Variants in TRERF1 observed in about 807,000 individuals in gnomAD.
TRERF1 encodes the protein transcriptional-regulating factor 1.
In TRERF1, 27 loss-of-function variants were observed where a neutral mutation model predicts 122.9. The ratio of observed to expected loss-of-function variants is 0.22; its 90% confidence interval spans 0.16 to 0.30. TRERF1 has a LOEUF of 0.30. Ranked by LOEUF, TRERF1 falls within the 10% of genes least tolerant of loss-of-function variation. The pLI, the probability that TRERF1 is intolerant of heterozygous loss-of-function variation, is 1.00. For missense variants in TRERF1, 1,248 were observed against 1,560.3 expected, an observed-to-expected ratio of 0.80 and a Z score of 3.37; for synonymous variants, 636 against 641.7, an observed-to-expected ratio of 0.99 and a Z score of 0.13.
intron 2 of TRERF1, among the ~76,000 whole-genome samples, chr6:42,428,479 G>A (rs1006693910): frequency 2.0e-5 from 3 of 152,164 alleles, no homozygotes; most frequent in Non-Finnish European, 4.4e-5. Context: ...TGGGGTGGAG[G>A]GGGTGCGAGA....
chr6:42,409,809 G>A (rs184887683), intron 2 of TRERF1, among the ~76,000 whole-genome samples: 90 of 152,246 alleles, frequency 5.9e-4, no homozygotes, highest in Admixed American at 2.2e-3. Flanking sequence ...CACACTTCTA[G>A]TATTTCCCCA....
At chr6:42,325,912 T>A (rs1404909070) in intron 3 of TRERF1, among the ~76,000 whole-genome samples, 1 of 152,178 alleles carries the variant, frequency 6.6e-6, no homozygotes, top group Non-Finnish European at 1.5e-5. Flanking sequence ...GAGGCCATTA[T>A]CTTAAGTGAA....
intron 12 of TRERF1, 57 bp downstream of exon 12, chr6:42,256,671 A>T (rs1776810606): frequency 2.0e-6 from 3 of 1,514,982 alleles, no homozygotes; most frequent in Non-Finnish European, 2.7e-6. Flanking sequence ...GACAATATTG[A>T]AACTTGGGAA....
chr6:42,267,281 C>T (rs1779384400), intron 5 of TRERF1, among the ~76,000 whole-genome samples: 1 of 152,150 alleles, frequency 6.6e-6, no homozygotes, highest in African/African-American at 2.4e-5. Flanking sequence ...ATGCAGTGAG[C>T]TATGACTGCA....
At chr6:42,322,850 C>T (rs1040106263) in intron 3 of TRERF1, among the ~76,000 whole-genome samples, 11 of 152,046 alleles carry the variant, frequency 7.2e-5, no homozygotes, top group African/African-American at 2.7e-4. Context: ...TCTGCCTATT[C>T]TTGGATCTCC....
In TRERF1 at chr6:42,437,372, C is replaced by T. The variant is rs1183758232; in HGVS notation, c.-454+13805G>A. Among the ~76,000 whole-genome samples the T allele has an allele frequency of 2.0e-5, 3 of 152,216 alleles. No individual in the cohort carries two copies. The East Asian group carries it at 5.8e-4, about 29-fold the overall frequency. On this transcript the variant is annotated intron_variant, in intron 2 of 17. Coordinates refer to ENST00000372922, the Ensembl canonical transcript of TRERF1. ...AGGGATGGCACTGAGATCCCACCCTCACAGAGTTTCACCCCCTCAGAAAAT... is the reference window on the plus strand; with the variant it reads ...AGGGATGGCACTGAGATCCCACCCTTACAGAGTTTCACCCCCTCAGAAAAT...
intron 3 of TRERF1, among the ~76,000 whole-genome samples, chr6:42,336,959 C>G (rs1346505585): frequency 6.6e-6 from 1 of 152,184 alleles, no homozygotes; most frequent in South Asian, 2.1e-4. Flanking sequence ...TTGGCTCTAG[C>G]AAGCGCCAGA....
rs1769935362 is a variant in TRERF1, at chr6:42,228,734, T to G, written c.3279-65A>C. 1.1e-5 allele frequency: 17 copies of G among 1,491,348 alleles called. No individual in the cohort carries two copies. Among genetic ancestry groups the G allele is most frequent in the Non-Finnish European group, 1.4e-5 (16 of 1,112,814 alleles). The allele number at this position is 1,491,348 out of a possible 1,614,324, so 92.4% of individuals were successfully genotyped here. On this transcript the variant is annotated intron_variant, in intron 17 of 17. Coordinates refer to ENST00000372922, the Ensembl canonical transcript of TRERF1. This position sits in a 1 kb window ranked among gnomAD's most constrained non-coding sequence, Gnocchi z 4.2. ...AGATCTGAGTTCTTGGAAATCCAGG[T>G]GTCCTACGGGGAATGGGGGTGTGTG...
intron 4 of TRERF1, among the ~76,000 whole-genome samples, chr6:42,285,709 T>A (rs1783080491): frequency 6.6e-6 from 1 of 152,054 alleles, no homozygotes; most frequent in African/African-American, 2.4e-5. Context: ...TTGAATTTTG[T>A]CAAAGGCTTT....
At chr6:42,244,166 G>C (rs1774320880) in intron 14 of TRERF1, among the ~76,000 whole-genome samples, 1 of 150,614 alleles carries the variant, frequency 6.6e-6, no homozygotes, top group African/African-American at 2.4e-5. Context: ...CAGGCATTGA[G>C]TCACAACACC....
chr6:42,377,064 C>A (rs1695043688), intron 2 of TRERF1, among the ~76,000 whole-genome samples: 1 of 151,874 alleles, frequency 6.6e-6, no homozygotes, highest in Non-Finnish European at 1.5e-5. Flanking sequence ...CGGGGTTTCA[C>A]CACGTCAGTC....
At chr6:42,385,232 C>A (rs1490843290) in intron 2 of TRERF1, among the ~76,000 whole-genome samples, 1 of 152,148 alleles carries the variant, frequency 6.6e-6, no homozygotes, top group African/African-American at 2.4e-5. Context: ...CTGCCTTGGC[C>A]TCCCAAAGTA....
In TRERF1 at chr6:42,258,213, A is replaced by G. The variant is rs1479371065; in HGVS notation, c.2270-12T>C. 5 of 1,613,906 alleles carry G rather than the reference A, an allele frequency of 3.1e-6. No homozygotes were observed. The highest frequency in any genetic ancestry group is 4.2e-6 in the Non-Finnish European group (5 of 1,179,814). ...GCCATCGATGCTGTCTAAAACACAA[A>G]AATCAGAGGTCACTAGTCAACAGGG... On this transcript the variant is annotated splice_polypyrimidine_tract_variant and intron_variant, in intron 9 of 17. Coordinates refer to ENST00000372922, the Ensembl canonical transcript of TRERF1.
rs780508284 is a variant in TRERF1 at position 42,268,976 on chromosome 6, G to A, written c.615C>T (p.Pro205=). The change falls in exon 5 of 18, where the codon CCC becomes CCT. Residue 205 remains proline (P), a synonymous_variant. Coordinates refer to ENST00000372922, the Ensembl canonical transcript of TRERF1. The surrounding 1 kb of genome is among the most constrained non-coding windows in gnomAD (Gnocchi z 4.4). ...CAGTGAAACCAGGGTGAGGCTGCTG[G>A]GGCACCTGCTGGTAGCGGGAAGGGA... 3 of 1,612,340 alleles carry A rather than the reference G, an allele frequency of 1.9e-6. No homozygotes were observed. The highest frequency in any genetic ancestry group is 2.5e-6 in the Non-Finnish European group (3 of 1,178,694).
chr6:42,436,811 AAAAAT>A (rs1280667940), intron 2 of TRERF1, among the ~76,000 whole-genome samples: 52 of 111,544 alleles, frequency 4.7e-4, no homozygotes, highest in East Asian at 1.4e-3. Context: ...AAAAAAAAAA[AAAAAT>A]ATATATATAT....
At chr6:42,430,691 G>A (rs1329113585) in intron 2 of TRERF1, among the ~76,000 whole-genome samples, 5 of 152,110 alleles carry the variant, frequency 3.3e-5, no homozygotes, top group African/African-American at 1.2e-4. Flanking sequence ...GTCAGGAGAT[G>A]GAGACCACCA....
intron 2 of TRERF1, among the ~76,000 whole-genome samples, chr6:42,430,810 C>T (rs1410243597): frequency 6.6e-6 from 1 of 151,664 alleles, no homozygotes; most frequent in Non-Finnish European, 1.5e-5. Flanking sequence ...GCAGGGGAAT[C>T]GCTCGAACCC....
chr6:42,318,436 C>A (rs544697908), intron 3 of TRERF1, among the ~76,000 whole-genome samples: 1 of 152,200 alleles, frequency 6.6e-6, no homozygotes, highest in Non-Finnish European at 1.5e-5. Context: ...GATCTCTACA[C>A]TTCACTTGGT....
chr6:42,354,032 C>G (rs748162484), intron 3 of TRERF1, among the ~76,000 whole-genome samples: 1 of 151,956 alleles, frequency 6.6e-6, no homozygotes, highest in Non-Finnish European at 1.5e-5. Flanking sequence ...ATATATGTAC[C>G]CATTACCAGC....
Sources: allele counts gnomAD v4.1 joint callset (sites outside exome capture counted in the v4.1 genomes callset), GRCh38; gene constraint gnomAD v4.1.1; non-coding constraint Gnocchi (gnomAD v3.1); transcripts MANE v1.5; gene names NCBI Gene and HGNC (gene_info 2026-07-23, HGNC 2026-07-21).